PLEKHA5: variants seen among roughly 807,000 people sequenced by gnomAD.
PLEKHA5 encodes the protein pleckstrin homology domain-containing family A member 5.
Under a neutral mutation model 181.9 loss-of-function variants are expected in PLEKHA5, and 55 were observed. The observed-to-expected ratio is 0.30, with a 90% CI of 0.24 to 0.38. The LOEUF (loss-of-function observed/expected upper bound fraction) is 0.38, where lower values mean the gene tolerates loss of function less well. Among genes scored for constraint, PLEKHA5 ranks in the 10% least tolerant of loss-of-function variants. PLEKHA5 has a pLI of 1.00. For synonymous variants in PLEKHA5, 535 were observed against 529.4 expected, an observed-to-expected ratio of 1.01 and a Z score of -0.15; for missense variants, 1,432 against 1,549.5, an observed-to-expected ratio of 0.92 and a Z score of 1.27.
intron 31 of PLEKHA5, chr12:19,371,243 GT>G (rs2095569025): frequency 2.0e-5 from 3 of 152,464 alleles, no homozygotes; most frequent in African/African-American, 7.2e-5. Context: ...CTGAGCTCAA[GT>G]GATCTGTCCG....
rs2045799768 is a variant in PLEKHA5 at position 19,171,151 on chromosome 12, A to G, written c.227+38701A>G. Among the ~76,000 whole-genome samples, 5 of 152,266 alleles carry G rather than the reference A, an allele frequency of 3.3e-5. No individual in the cohort carries two copies. In the South Asian group the frequency reaches 1.0e-3, roughly 32 times the overall value. ...TGACTTATAAAGGGGCTCTATAGAGAGACTACTTTATTAATAGCTTGAGGA... is the reference window on the plus strand; with the variant it reads ...TGACTTATAAAGGGGCTCTATAGAGGGACTACTTTATTAATAGCTTGAGGA... On this transcript the variant is annotated intron_variant, in intron 3 of 31. Transcript: ENST00000429027.
At chr12:19,345,411 AAAATAAAAAATAAAAAT>A (rs1407789854) in intron 22 of PLEKHA5, among the ~76,000 whole-genome samples, 5 of 150,980 alleles carry the variant, frequency 3.3e-5, no homozygotes, top group Non-Finnish European at 7.4e-5. Flanking sequence ...AAAAAAAATA[AAAATAAAAAATAAAAAT>A]AAATAAAAAT....
intron 3 of PLEKHA5, among the ~76,000 whole-genome samples, chr12:19,189,913 G>T (rs997502538): frequency 2.0e-5 from 3 of 152,106 alleles, no homozygotes; most frequent in Admixed American, 2.0e-4. Flanking sequence ...GTGATTTAAT[G>T]CCCCCACTTT....
chr12:19,262,709 A>T (rs527283001), intron 7 of PLEKHA5, among the ~76,000 whole-genome samples: 16 of 152,190 alleles, frequency 1.1e-4, no homozygotes, highest in African/African-American at 2.4e-5. Flanking sequence ...GGATATAAAG[A>T]TGAGAACAGT....
chr12:19,296,297 A>T (rs900747724), intron 15 of PLEKHA5, among the ~76,000 whole-genome samples: 1 of 151,892 alleles, frequency 6.6e-6, no homozygotes, highest in East Asian at 1.9e-4. Context: ...CTGTAATCCC[A>T]AGACTTTGGG....
chr12:19,281,340 G>A (rs1337673656), intron 11 of PLEKHA5, among the ~76,000 whole-genome samples: 1 of 152,110 alleles, frequency 6.6e-6, no homozygotes, highest in Non-Finnish European at 1.5e-5. Flanking sequence ...ACTTTAGGAG[G>A]CTGAGGCAGG....
chr12:19,230,907 C>G (rs1365004927), intron 3 of PLEKHA5, among the ~76,000 whole-genome samples: 1 of 152,216 alleles, frequency 6.6e-6, no homozygotes, highest in African/African-American at 2.4e-5. Flanking sequence ...ACTGTCACCT[C>G]TCAATATCAT....
chr12:19,144,177 G>A (rs2151179916), intron 3 of PLEKHA5, among the ~76,000 whole-genome samples: 1 of 152,292 alleles, frequency 6.6e-6, no homozygotes, highest in Non-Finnish European at 1.5e-5. Context: ...TATTACTAGA[G>A]ATTCAGATGG....
At chr12:19,326,790 C>T (rs1340451404) in intron 20 of PLEKHA5, among the ~76,000 whole-genome samples, 1 of 152,182 alleles carries the variant, frequency 6.6e-6, no homozygotes, top group Non-Finnish European at 1.5e-5. Context: ...CAGTGTTTAG[C>T]TTCCACCTGT....
chr12:19,265,184 T>A (rs2069919577), intron 7 of PLEKHA5, among the ~76,000 whole-genome samples: 1 of 152,214 alleles, frequency 6.6e-6, no homozygotes, highest in Non-Finnish European at 1.5e-5. Context: ...CAAATTCTTT[T>A]GAGCATCTAC....
intron 3 of PLEKHA5, among the ~76,000 whole-genome samples, chr12:19,224,186 G>A (rs552782771): frequency 5.3e-5 from 8 of 152,226 alleles, no homozygotes; most frequent in African/African-American, 9.6e-5. Flanking sequence ...TTTTAATATT[G>A]TGTGTTAGAA....
At chr12:19,267,876 C>G (rs1485448100) in intron 8 of PLEKHA5, among the ~76,000 whole-genome samples, 1 of 151,832 alleles carries the variant, frequency 6.6e-6, no homozygotes, top group East Asian at 1.9e-4. Flanking sequence ...AGGAAAATCA[C>G]TTGAACCTGG....
In PLEKHA5 at chr12:19,336,588, A is replaced by G. The variant is rs764941553; in HGVS notation, c.2522A>G (p.Glu841Gly). ...DVTVTRNQMQ[E>G]QLDHLGEVQT... ...ACTGTTACCAGGAACCAGATGCAAG[A>G]GCAGCTGGATCACCTTGGTGAAGTT... The change falls in exon 21 of 32, where the codon GAG (glutamate) becomes GGG (glycine). Residue 841 changes from glutamate (E) to glycine (G), a missense_variant. Transcript: ENST00000429027. 36 of 1,597,966 alleles carry G rather than the reference A, an allele frequency of 2.3e-5. No individual in the cohort carries two copies. The South Asian group carries it at 4.0e-4, about 18-fold the overall frequency.
chr12:19,152,150 G>A (rs973959951), intron 3 of PLEKHA5: 7 of 152,190 alleles, frequency 4.6e-5, no homozygotes, highest in Non-Finnish European at 2.9e-5. Context: ...ACAGGCGTGA[G>A]CCACCGCGCC....
chr12:19,238,705 A>T (rs2061847916), intron 3 of PLEKHA5, among the ~76,000 whole-genome samples: 1 of 151,042 alleles, frequency 6.6e-6, no homozygotes, highest in African/African-American at 2.4e-5. Flanking sequence ...TTTTTGAGAC[A>T]TTATGACATC....
At chr12:19,308,979 T>C (rs1267276088) in intron 15 of PLEKHA5, among the ~76,000 whole-genome samples, 1 of 151,692 alleles carries the variant, frequency 6.6e-6, no homozygotes, top group Non-Finnish European at 1.5e-5. Flanking sequence ...GGAGAATCAC[T>C]TGAACCCAGG....
In PLEKHA5 at chr12:19,178,089, G is replaced by C. The variant is rs142707338; in HGVS notation, c.227+45639G>C. On this transcript the variant is annotated intron_variant, in intron 3 of 31. Transcript: ENST00000429027. Reference sequence around the variant, plus strand: ...CTGGTGTGCTGTGATTAGGTTTCTGGAACCATTGAGCACTCACCCCCACCC... The same window carrying C: ...CTGGTGTGCTGTGATTAGGTTTCTGCAACCATTGAGCACTCACCCCCACCC... 1.7e-3 allele frequency among the ~76,000 whole-genome samples: 259 copies of C among 152,170 alleles called. 3 individuals carry two copies. The East Asian group carries it at 0.026, about 15-fold the overall frequency.
At chr12:19,317,443 C>T (rs1592465061) in intron 16 of PLEKHA5, among the ~76,000 whole-genome samples, 1 of 151,450 alleles carries the variant, frequency 6.6e-6, no homozygotes, top group Admixed American at 6.6e-5. Flanking sequence ...ATGATTAATA[C>T]CAGTGAAATT....
At chr12:19,281,067 C>T (rs1380366082) in intron 11 of PLEKHA5, among the ~76,000 whole-genome samples, 2 of 151,822 alleles carry the variant, frequency 1.3e-5, no homozygotes, top group Non-Finnish European at 2.9e-5. Context: ...TAAAAAGTTA[C>T]GTTTGGGAAA....
Sources: allele counts gnomAD v4.1 joint callset (sites outside exome capture counted in the v4.1 genomes callset), GRCh38; gene constraint gnomAD v4.1.1; transcripts MANE v1.5; gene names NCBI Gene and HGNC (gene_info 2026-07-23, HGNC 2026-07-21).